CSMD1: variants seen among roughly 807,000 people sequenced by gnomAD.
CSMD1 encodes the protein CUB and Sushi multiple domains 1, also known as CUB and sushi domain-containing protein 1.
In CSMD1, 213 loss-of-function variants were observed where a neutral mutation model predicts 417.5. The ratio of observed to expected loss-of-function variants is 0.51; its 90% CI spans 0.46 to 0.57. The LOEUF (loss-of-function observed/expected upper bound fraction) is 0.57. Among genes scored for constraint, CSMD1 ranks in the 20% least tolerant of loss-of-function variants. CSMD1 has a pLI of 0.00. For missense variants in CSMD1, 6,923 were observed against 4,529.7 expected (o/e 1.53, Z -15.17); for synonymous variants, 2,862 against 1,736.8 (o/e 1.65, Z -16.11).
intron 21 of CSMD1, among the ~76,000 whole-genome samples, chr8:3,358,164 C>T (rs1268545739): frequency 6.6e-6 from 1 of 152,146 alleles, no homozygotes; most frequent in African/African-American, 2.4e-5. Context: ...ATCTTCAGAC[C>T]TTCCCCACCT....
At chr8:4,673,999 T>C (rs902849717) in intron 1 of CSMD1, among the ~76,000 whole-genome samples, 1 of 152,178 alleles carries the variant, frequency 6.6e-6, no homozygotes, top group African/African-American at 2.4e-5. Flanking sequence ...TTGTGCACTA[T>C]ACAGAGGCAA....
chr8:4,893,577 T>C (rs939657282), intron 1 of CSMD1, among the ~76,000 whole-genome samples: 3 of 152,280 alleles, frequency 2.0e-5, no homozygotes, highest in African/African-American at 7.2e-5. Context: ...CTTTTGTAAA[T>C]GTGTGATGTA....
intron 3 of CSMD1, among the ~76,000 whole-genome samples, chr8:4,106,243 C>T (rs542500899): frequency 4.2e-4 from 64 of 152,244 alleles, no homozygotes; most frequent in Middle Eastern, 3.4e-3. Context: ...TATAAACTTC[C>T]GAGCAGGATA....
At chr8:4,038,955 T>C (rs1158651192) in intron 3 of CSMD1, among the ~76,000 whole-genome samples, 2 of 152,228 alleles carry the variant, frequency 1.3e-5, no homozygotes, top group Admixed American at 1.3e-4. Context: ...TTCAGTGACT[T>C]AATTGGGCTA....
intron 50 of CSMD1, among the ~76,000 whole-genome samples, chr8:3,047,483 C>T (rs866963482): frequency 2.6e-5 from 4 of 152,176 alleles, no homozygotes; most frequent in South Asian, 2.1e-4. Flanking sequence ...TCAGAGCACA[C>T]GCTCCAGGAC....
chr8:3,842,681 T>G (rs1022849802), intron 5 of CSMD1, among the ~76,000 whole-genome samples: 1 of 152,076 alleles, frequency 6.6e-6, no homozygotes, highest in Admixed American at 6.6e-5. Flanking sequence ...CAAAGAGCAT[T>G]TGAAACTAAA....
intron 3 of CSMD1, among the ~76,000 whole-genome samples, chr8:4,256,886 C>T (rs1045121926): frequency 6.6e-6 from 1 of 152,252 alleles, no homozygotes; most frequent in African/African-American, 2.4e-5. Flanking sequence ...CGCTACTGGA[C>T]GATGTGGTTC....
chr8:4,556,732 T>C (rs1208470900), intron 2 of CSMD1, among the ~76,000 whole-genome samples: 1 of 152,184 alleles, frequency 6.6e-6, no homozygotes, highest in Non-Finnish European at 1.5e-5. Context: ...ATTCACAAGA[T>C]GAGCATCGCA....
chr8:3,421,652 T>C (rs1813494786), intron 12 of CSMD1, among the ~76,000 whole-genome samples: 1 of 152,192 alleles, frequency 6.6e-6, no homozygotes, highest in African/African-American at 2.4e-5. Flanking sequence ...TTTTTCTTTT[T>C]TTTGAGACAG....
At chr8:3,392,755 C>T (rs1275552913) in intron 17 of CSMD1, among the ~76,000 whole-genome samples, 2 of 152,082 alleles carry the variant, frequency 1.3e-5, no homozygotes, top group African/African-American at 4.8e-5. Flanking sequence ...TGTGTTAGTG[C>T]ACTATGATGT....
At chr8:3,269,816 T>C (rs1585868687) in intron 26 of CSMD1, among the ~76,000 whole-genome samples, 1 of 152,216 alleles carries the variant, frequency 6.6e-6, no homozygotes, top group Non-Finnish European at 1.5e-5. Flanking sequence ...CATGTCCTTC[T>C]GTTTTACATG....
chr8:4,860,391 C>A (rs2116870890), intron 1 of CSMD1, among the ~76,000 whole-genome samples: 1 of 151,424 alleles, frequency 6.6e-6, no homozygotes, highest in East Asian at 2.0e-4. Context: ...GGCACATGTA[C>A]CCAAAAACTT....
At chr8:4,014,525 T>G (rs1003148934) in intron 4 of CSMD1, among the ~76,000 whole-genome samples, 2 of 152,216 alleles carry the variant, frequency 1.3e-5, no homozygotes, top group Non-Finnish European at 2.9e-5. Context: ...CTTCAAGGAC[T>G]ACTATGCGAT....
At chr8:4,254,698 G>C (rs1482883160) in intron 3 of CSMD1, among the ~76,000 whole-genome samples, 2 of 151,982 alleles carry the variant, frequency 1.3e-5, no homozygotes, top group Admixed American at 1.3e-4. Context: ...TATTTTTACC[G>C]TACCTTTTCC....
chr8:3,719,584 G>C (rs13272777), intron 6 of CSMD1, among the ~76,000 whole-genome samples: 2 of 152,088 alleles, frequency 1.3e-5, no homozygotes, highest in African/African-American at 2.4e-5. Flanking sequence ...TACATCTCTT[G>C]CAAGAGTGCT....
At chr8:4,533,021 C>CA (rs1796915135) in intron 2 of CSMD1, among the ~76,000 whole-genome samples, 1 of 152,188 alleles carries the variant, frequency 6.6e-6, no homozygotes, top group Non-Finnish European at 1.5e-5. Context: ...ACAGTCACTC[C>CA]GGAGTTTCTC....
chr8:4,969,960 T>C (rs1323156408), intron 1 of CSMD1, among the ~76,000 whole-genome samples: 2 of 152,012 alleles, frequency 1.3e-5, no homozygotes, highest in African/African-American at 4.8e-5. Flanking sequence ...GAAACATTTG[T>C]GTATTTTACA....
chr8:4,879,435 G>A (rs145446467), intron 1 of CSMD1, among the ~76,000 whole-genome samples: 39 of 152,188 alleles, frequency 2.6e-4, no homozygotes, highest in African/African-American at 8.9e-4. Flanking sequence ...TTAGGAGGAA[G>A]TTTAGGGGAT....
chr8:3,835,269 A>G (rs11136671), intron 5 of CSMD1, among the ~76,000 whole-genome samples: 130,763 of 151,702 alleles, frequency 0.86, 56,508 homozygotes, highest in African/African-American at 0.9. Context: ...ACATGCACAC[A>G]TATGTTTACT....
Sources: allele counts gnomAD v4.1 joint callset (sites outside exome capture counted in the v4.1 genomes callset), GRCh38; gene constraint gnomAD v4.1.1; transcripts MANE v1.5; gene names NCBI Gene and HGNC (gene_info 2026-07-23, HGNC 2026-07-21).